Variants in VAV3 observed in about 807,000 individuals in gnomAD.
The protein encoded by VAV3 is vav guanine nucleotide exchange factor 3, also known as guanine nucleotide exchange factor VAV3.
In VAV3, 94 loss-of-function variants were observed where a neutral mutation model predicts 131.2. That is an observed-to-expected ratio of 0.72 (90% CI 0.61 to 0.85). The LOEUF (loss-of-function observed/expected upper bound fraction) is 0.85. VAV3 is among the 40% of genes least tolerant of loss of function. The probability of loss-of-function intolerance (pLI) is 0.00; values close to 1 mark genes in which losing one functional copy is unlikely to be tolerated. For missense variants in VAV3, 939 were observed against 1,002.7 expected, an observed-to-expected ratio of 0.94 and a Z score of 0.86; for synonymous variants, 349 against 342.0, an observed-to-expected ratio of 1.02 and a Z score of -0.22.
chr1:107,635,266 T>C (rs1323073414), intron 20 of VAV3, among the ~76,000 whole-genome samples: 2 of 152,024 alleles, frequency 1.3e-5, no homozygotes, highest in Non-Finnish European at 2.9e-5. Context: ...GTAGCAGATA[T>C]ACACCAAGGA....
At chr1:107,946,303 GCTA>G (rs561873277) in intron 1 of VAV3, among the ~76,000 whole-genome samples, 12 of 152,138 alleles carry the variant, frequency 7.9e-5, no homozygotes, top group Non-Finnish European at 1.6e-4. Context: ...TCATGAGGTA[GCTA>G]CTTTTATCCC....
At chr1:107,844,787 G>T (rs1668889919) in intron 2 of VAV3, among the ~76,000 whole-genome samples, 3 of 152,210 alleles carry the variant, frequency 2.0e-5, no homozygotes, top group Admixed American at 2.0e-4. Context: ...TCCTCTGAAA[G>T]AAAGGCAGCC....
At position 107,932,247 on chromosome 1, in the gene VAV3, C is replaced by T. The variant is rs576110447; in HGVS notation, c.204+32419G>A. On this transcript the variant is annotated intron_variant, in intron 1 of 26. Coordinates refer to ENST00000370056, the MANE Select transcript of VAV3 (RefSeq NM_006113.5). ...GATGCCACACAAGTTCAAGAGCGGG[C>T]ATTAAGACATACTTCTCAGGAGTTC... 2.6e-5 allele frequency among the ~76,000 whole-genome samples: 4 copies of T among 152,308 alleles called. No individual in the cohort carries two copies. In the East Asian group the frequency reaches 7.7e-4, roughly 29 times the overall value.
chr1:107,647,825 T>G (rs1379610616), intron 19 of VAV3, among the ~76,000 whole-genome samples: 1 of 151,980 alleles, frequency 6.6e-6, no homozygotes, highest in Admixed American at 6.6e-5. Flanking sequence ...AAAAAACCCT[T>G]TATAAATTAA....
At chr1:107,911,667 A>G (rs1038658663) in intron 1 of VAV3, among the ~76,000 whole-genome samples, 3 of 152,252 alleles carry the variant, frequency 2.0e-5, no homozygotes, top group African/African-American at 7.2e-5. Flanking sequence ...CTGCTGCTAG[A>G]GCAAGAAAAG....
At position 107,635,105 on chromosome 1, in the gene VAV3, C is replaced by T. The variant is rs566281770; in HGVS notation, c.1914+7514G>A. 3.1e-3 allele frequency among the ~76,000 whole-genome samples: 475 copies of T among 152,216 alleles called. 3 individuals are homozygous for T. The highest frequency in any genetic ancestry group is 0.01 in the African/African-American group (425 of 41,530). ...GAACTAGAAATACCATTTGACCCAG[C>T]AATCCCATTACTGGGTATATACCCA... On this transcript the variant is annotated intron_variant, in intron 20 of 26. Coordinates refer to ENST00000370056, the MANE Select transcript of VAV3 (RefSeq NM_006113.5).
At chr1:107,612,197 T>A (rs60806616) in intron 21 of VAV3, among the ~76,000 whole-genome samples, 1 of 143,810 alleles carries the variant, frequency 7.0e-6, no homozygotes, top group Non-Finnish European at 1.5e-5. Flanking sequence ...TATATATATA[T>A]AAATAAATAT....
At chr1:107,879,043 G>T (rs1488332605) in intron 1 of VAV3, among the ~76,000 whole-genome samples, 1 of 151,276 alleles carries the variant, frequency 6.6e-6, no homozygotes, top group Non-Finnish European at 1.5e-5. Context: ...TTTTTTTAAT[G>T]CTCATATTGT....
intron 1 of VAV3, among the ~76,000 whole-genome samples, chr1:107,880,425 G>C (rs948006983): frequency 1.3e-5 from 2 of 152,166 alleles, no homozygotes; most frequent in East Asian, 3.9e-4. Flanking sequence ...GAACAGAAGA[G>C]GGGAGCTGGG....
chr1:107,694,180 A>G (rs972192823), intron 17 of VAV3, among the ~76,000 whole-genome samples: 6 of 152,236 alleles, frequency 3.9e-5, no homozygotes, highest in African/African-American at 9.6e-5. Context: ...CTACATAGAA[A>G]TAATTAGAGA....
At chr1:107,838,315 C>G (rs1668560833) in intron 2 of VAV3, among the ~76,000 whole-genome samples, 1 of 152,152 alleles carries the variant, frequency 6.6e-6, no homozygotes, top group African/African-American at 2.4e-5. Flanking sequence ...AGACCCTTCT[C>G]AAAAGAGAAC....
At chr1:107,959,608 G>A (rs559202834) in intron 1 of VAV3, among the ~76,000 whole-genome samples, 2 of 151,932 alleles carry the variant, frequency 1.3e-5, no homozygotes, top group Non-Finnish European at 2.9e-5. Flanking sequence ...TCCTTCACAG[G>A]TTCTCCCCAT....
In VAV3 at chr1:107,822,264, G is replaced by C. The variant is rs76200214; in HGVS notation, c.322-42772C>G. Among the ~76,000 whole-genome samples, 1,353 of 152,254 alleles carry C rather than the reference G, an allele frequency of 8.9e-3. 7 individuals are homozygous for C. Among genetic ancestry groups the C allele is most frequent in the East Asian group, 0.016 (84 of 5,188 alleles). On this transcript the variant is annotated intron_variant, in intron 2 of 26. Transcript: ENST00000370056. Reference sequence around the variant, plus strand: ...TAGAAGAACTTGCCCTGTAGGGAATGTATGGTGAAGGGAAGGCAAAGGGTT... The same window carrying C: ...TAGAAGAACTTGCCCTGTAGGGAATCTATGGTGAAGGGAAGGCAAAGGGTT...
chr1:107,831,759 T>C (rs76302796), intron 2 of VAV3, among the ~76,000 whole-genome samples: 8,803 of 152,314 alleles, frequency 0.058, 489 homozygotes, highest in African/African-American at 0.15. Context: ...AGCATCATGC[T>C]AGTATATAAT....
chr1:107,595,043 C>G (rs1353707514), intron 25 of VAV3, among the ~76,000 whole-genome samples: 1 of 152,044 alleles, frequency 6.6e-6, no homozygotes, highest in Non-Finnish European at 1.5e-5. Context: ...TTGGAGAAAA[C>G]TTCCATTTTT....
intron 25 of VAV3, among the ~76,000 whole-genome samples, chr1:107,594,326 G>C (rs1355494293): frequency 6.6e-6 from 1 of 152,042 alleles, no homozygotes; most frequent in Non-Finnish European, 1.5e-5. Context: ...ACAGTGCCTT[G>C]TATGTGTTAG....
chr1:107,797,724 G>A (rs1666614049), intron 2 of VAV3, among the ~76,000 whole-genome samples: 1 of 152,164 alleles, frequency 6.6e-6, no homozygotes, highest in African/African-American at 2.4e-5. Flanking sequence ...CCTTTAGGTT[G>A]GGGTAAAAGT....
intron 1 of VAV3, among the ~76,000 whole-genome samples, chr1:107,917,930 T>C (rs1452923764): frequency 6.6e-6 from 1 of 152,176 alleles, no homozygotes; most frequent in Non-Finnish European, 1.5e-5. Context: ...TCAACCTGTA[T>C]GAATTAAGGA....
At chr1:107,628,281 A>G (rs918787147) in intron 20 of VAV3, among the ~76,000 whole-genome samples, 4 of 152,214 alleles carry the variant, frequency 2.6e-5, no homozygotes, top group African/African-American at 9.7e-5. Context: ...TCTGTAAAAA[A>G]AAGCAAGTCA....
Sources: gnomAD v4.1 joint callset for allele counts (sites outside exome capture counted in the v4.1 genomes callset) on GRCh38, gnomAD v4.1.1 for gene constraint, MANE v1.5 for transcripts, NCBI Gene and HGNC (gene_info 2026-07-23, HGNC 2026-07-21) for gene names.